NSRP1: variants seen among roughly 807,000 people sequenced by gnomAD.
The protein encoded by NSRP1 is coiled-coil domain containing 55.
A neutral mutation model predicts 54.7 loss-of-function variants in NSRP1; 24 were observed. The ratio of observed to expected loss-of-function variants is 0.44; its 90% CI spans 0.32 to 0.62. The LOEUF (loss-of-function observed/expected upper bound fraction) is 0.62. Ranked by LOEUF, NSRP1 falls within the 20% of genes least tolerant of loss-of-function variation. The pLI is 0.06. For synonymous variants in NSRP1, 210 were observed against 213.8 expected (o/e 0.98, Z 0.15); for missense variants, 596 against 651.2 (o/e 0.92, Z 0.92).
chr17:30,133,560 G>A (rs1214517950), intron 2 of NSRP1, among the ~76,000 whole-genome samples: 3 of 152,076 alleles, frequency 2.0e-5, no homozygotes, highest in Non-Finnish European at 4.4e-5. Context: ...ATTTTTAAGG[G>A]CCCTAGCATT....
At chr17:30,179,971 G>T (rs2143010201) in intron 5 of NSRP1, among the ~76,000 whole-genome samples, 1 of 151,730 alleles carries the variant, frequency 6.6e-6, no homozygotes, top group Admixed American at 6.6e-5. Context: ...TGAGTAGCTG[G>T]GACTACGGGA....
At chr17:30,174,546 CATT>C (rs1223295793) in intron 3 of NSRP1, among the ~76,000 whole-genome samples, 1 of 152,108 alleles carries the variant, frequency 6.6e-6, no homozygotes, top group African/African-American at 2.4e-5. Flanking sequence ...ATGATGGCAA[CATT>C]ATTGTCATAT....
intron 2 of NSRP1, among the ~76,000 whole-genome samples, chr17:30,171,110 A>T (rs1230453173): frequency 4.0e-5 from 6 of 151,822 alleles, no homozygotes; most frequent in Non-Finnish European, 7.4e-5. Context: ...TGCCCATGTG[A>T]TGACTACTTC....
intron 2 of NSRP1, among the ~76,000 whole-genome samples, chr17:30,123,725 T>A (rs2071624904): frequency 6.8e-6 from 1 of 147,352 alleles, no homozygotes. Flanking sequence ...CATTTTGAAA[T>A]TTTTTTTTTT....
rs74608575 is a variant in NSRP1, at chr17:30,117,944, A to C, written c.21-136A>C. On this transcript the variant is annotated intron_variant, in intron 1 of 6. Coordinates refer to ENST00000247026, the MANE Select transcript of NSRP1 (RefSeq NM_032141.4). The stretch of plus-strand genomic sequence containing the variant: ...TAGAATTTTGAGATCACTGAGAAGC[A>C]AAAACAGTCTGTTACGTGTTCATAA... 2,002 of 649,536 alleles carry C rather than the reference A, an allele frequency of 3.1e-3. 26 individuals carry two copies. The African/African-American group carries it at 0.032, about 11-fold the overall frequency. 40.2% of individuals were successfully genotyped at this position (649,536 alleles called of 1,614,324 possible).
chr17:30,173,027 ACT>A (rs1905010597), intron 3 of NSRP1, among the ~76,000 whole-genome samples: 1 of 150,738 alleles, frequency 6.6e-6, no homozygotes, highest in African/African-American at 2.4e-5. Context: ...GCCGTGGTGC[ACT>A]CTCGGCTCAC....
At position 30,120,076 on chromosome 17, in the gene NSRP1, C is replaced by T. The variant is rs7221958; in HGVS notation, c.114+1903C>T. ...CTACCTCCCCACTTGCTACCCCAGACAAATGCTCATATTTCTATCACTAGA... is the reference window on the plus strand; with the variant it reads ...CTACCTCCCCACTTGCTACCCCAGATAAATGCTCATATTTCTATCACTAGA... On this transcript the variant is annotated intron_variant, in intron 2 of 6. Coordinates refer to ENST00000247026, the MANE Select transcript of NSRP1 (RefSeq NM_032141.4). Among the ~76,000 whole-genome samples the T allele has an allele frequency of 9.8e-3, 1,493 of 152,230 alleles. 20 individuals are homozygous for T. Among genetic ancestry groups the T allele is most frequent in the African/African-American group, 0.034 (1,403 of 41,518 alleles).
chr17:30,153,991 T>TA (rs1370591674), intron 2 of NSRP1, among the ~76,000 whole-genome samples: 4 of 152,156 alleles, frequency 2.6e-5, no homozygotes, highest in African/African-American at 9.7e-5. Context: ...CCTGGATTGT[T>TA]ATGGTTGTTT....
intron 2 of NSRP1, among the ~76,000 whole-genome samples, chr17:30,156,859 T>TA (rs1904327834): frequency 6.6e-6 from 1 of 152,300 alleles, no homozygotes; most frequent in South Asian, 2.1e-4. Context: ...CTCCACTGTG[T>TA]AAATATGCCA....
rs1397694651 is a variant in NSRP1, at chr17:30,169,997, T to G, written c.115-2545T>G. ...GTTTTTATGTATATTTAAGACTTCG[T>G]TTTTTTTTAAACAGCAGTTTTAGAC... On this transcript the variant is annotated intron_variant, in intron 2 of 6. Transcript: ENST00000247026. Among the ~76,000 whole-genome samples the G allele has an allele frequency of 1.9e-4, 29 of 150,056 alleles. 1 individual carries two copies. Among genetic ancestry groups the G allele is most frequent in the Admixed American group, 1.9e-3 (28 of 15,128 alleles).
chr17:30,166,345 T>C (rs946293860), intron 2 of NSRP1, among the ~76,000 whole-genome samples: 2 of 152,196 alleles, frequency 1.3e-5, no homozygotes, highest in African/African-American at 2.4e-5. Context: ...CACAGGGCAC[T>C]TATGAAATCT....
chr17:30,178,260 T>G, intron 4 of NSRP1, 61 bp downstream of exon 4: 1 of 1,541,428 alleles, frequency 6.5e-7, no homozygotes, highest in Non-Finnish European at 8.7e-7. Context: ...GTCTTAATCT[T>G]ATTTTAACAT....
intron 2 of NSRP1, among the ~76,000 whole-genome samples, chr17:30,142,612 G>T (rs1049691116): frequency 1.3e-5 from 2 of 152,062 alleles, no homozygotes; most frequent in Non-Finnish European, 1.5e-5. Flanking sequence ...GACCTCACCC[G>T]ACCTAAGTAT....
intron 2 of NSRP1, chr17:30,168,126 A>C (rs1904803516): frequency 6.6e-6 from 1 of 152,172 alleles, no homozygotes; most frequent in Non-Finnish European, 1.5e-5. Context: ...CTGGTGTTTA[A>C]AGGAAAGTTA....
intron 2 of NSRP1, among the ~76,000 whole-genome samples, chr17:30,121,114 A>T (rs1226766052): frequency 6.6e-6 from 1 of 152,202 alleles, no homozygotes; most frequent in Non-Finnish European, 1.5e-5. Flanking sequence ...AATGTTGCAG[A>T]TACGGTTGTA....
chr17:30,173,702 C>T (rs1905034260), intron 3 of NSRP1, among the ~76,000 whole-genome samples: 1 of 152,096 alleles, frequency 6.6e-6, no homozygotes, highest in African/African-American at 2.4e-5. Flanking sequence ...GAGATAGATG[C>T]TTTTATAATC....
At chr17:30,147,861 G>C (rs937885469) in intron 2 of NSRP1, among the ~76,000 whole-genome samples, 10 of 151,524 alleles carry the variant, frequency 6.6e-5, no homozygotes, top group Admixed American at 5.3e-4. Flanking sequence ...CCCCTGGCTG[G>C]AGTGCAATGG....
At position 30,177,938 on chromosome 17, in the gene NSRP1, A is replaced by G. The variant is rs557711936; in HGVS notation, c.172-133A>G. 2.1e-5 allele frequency: 23 copies of G among 1,077,384 alleles called. No homozygotes were observed. In the Admixed American group the frequency reaches 2.5e-4, roughly 12 times the overall value. 66.7% of individuals were successfully genotyped at this position (1,077,384 alleles called of 1,614,324 possible). On this transcript the variant is annotated intron_variant, in intron 3 of 6. Coordinates refer to ENST00000247026, the MANE Select transcript of NSRP1 (RefSeq NM_032141.4). ...CAGCCTGGCTCCAGAGTTTATTTGT[A>G]TTTCCTATCTAAAAATGTGATTGTA...
intron 2 of NSRP1, among the ~76,000 whole-genome samples, chr17:30,165,388 A>G (rs1160601295): frequency 6.6e-6 from 1 of 152,194 alleles, no homozygotes; most frequent in Non-Finnish European, 1.5e-5. Flanking sequence ...CCTGGTGTTG[A>G]TATTGTACTC....
Sources: allele counts gnomAD v4.1 joint callset (sites outside exome capture counted in the v4.1 genomes callset), GRCh38; gene constraint gnomAD v4.1.1; transcripts MANE v1.5; gene names NCBI Gene and HGNC (gene_info 2026-07-23, HGNC 2026-07-21).